Variants in DUSP16 observed in about 807,000 individuals in gnomAD.
DUSP16 encodes dual specificity protein phosphatase 16.
A neutral mutation model predicts 58.3 loss-of-function variants in DUSP16; 21 were observed. The observed-to-expected ratio is 0.36, with a 90% CI of 0.26 to 0.52. The LOEUF (loss-of-function observed/expected upper bound fraction) is 0.52. Among genes scored for constraint, DUSP16 ranks in the 20% least tolerant of loss-of-function variants. The probability of loss-of-function intolerance (pLI) is 0.94; values close to 1 mark genes in which losing one functional copy is unlikely to be tolerated. For synonymous variants in DUSP16, 320 were observed against 323.8 expected (o/e 0.99, Z 0.12); for missense variants, 726 against 819.0 (o/e 0.89, Z 1.39).
chr12:12,507,644 T>C (rs930831847), intron 3 of DUSP16, among the ~76,000 whole-genome samples: 5 of 152,228 alleles, frequency 3.3e-5, no homozygotes, highest in African/African-American at 4.8e-5. Context: ...AGTTTCACTC[T>C]TGTTGCCCAG....
intron 1 of DUSP16, among the ~76,000 whole-genome samples, chr12:12,528,431 G>GA (rs1944335833): frequency 6.6e-6 from 1 of 152,196 alleles, no homozygotes; most frequent in East Asian, 1.9e-4. Context: ...GAATTGAGGA[G>GA]AAAATGTTTT....
intron 1 of DUSP16, among the ~76,000 whole-genome samples, chr12:12,556,593 T>A (rs1944809650): frequency 6.6e-6 from 1 of 151,178 alleles, no homozygotes. Context: ...AAAAAAAAAA[T>A]TAAAAACTGC....
chr12:12,559,785 A>T (rs1357404008), intron 1 of DUSP16, among the ~76,000 whole-genome samples: 2 of 152,182 alleles, frequency 1.3e-5, no homozygotes, highest in Non-Finnish European at 2.9e-5. Flanking sequence ...GCATCAAAAC[A>T]CACTAACACA....
Position 12,473,914 on chromosome 12 carries a change from T to C in DUSP16, c.*2919A>G, listed in dbSNP as rs1037549966. On this transcript the variant is annotated 3_prime_UTR_variant, in exon 7 of 7. Transcript: ENST00000298573. Reference sequence around the variant, plus strand: ...GTAGCTGGCCTTTTTTTTCCTACCATGTACTTGTGTGTTCTGGAATCAGTC... The same window carrying C: ...GTAGCTGGCCTTTTTTTTCCTACCACGTACTTGTGTGTTCTGGAATCAGTC... Among the ~76,000 whole-genome samples the C allele has an allele frequency of 6.6e-6, 1 of 152,202 alleles. No homozygotes were observed. Among genetic ancestry groups the C allele is most frequent in the African/African-American group, 2.4e-5 (1 of 41,460 alleles).
At chr12:12,550,290 T>C (rs1450076418) in intron 1 of DUSP16, among the ~76,000 whole-genome samples, 1 of 124,828 alleles carries the variant, frequency 8.0e-6, no homozygotes, top group Non-Finnish European at 1.9e-5. Context: ...AAAAAAAAAA[T>C]GTGTATCAGA....
chr12:12,492,037 A>G (rs1943767650), intron 4 of DUSP16, among the ~76,000 whole-genome samples: 1 of 152,082 alleles, frequency 6.6e-6, no homozygotes, highest in Admixed American at 6.5e-5. Context: ...GCCCTCATCA[A>G]TTGTTCGTAC....
At position 12,542,444 on chromosome 12, in the gene DUSP16, G is replaced by C. The variant is rs538997218; in HGVS notation, c.-366+19673C>G. On this transcript the variant is annotated intron_variant, in intron 1 of 6. Transcript: ENST00000298573. The stretch of plus-strand genomic sequence containing the variant: ...AGAAAGGGCAAATGCATAGGGACAG[G>C]AAGTAAATCAGCAGTTGCCAGGGGC... Among the ~76,000 whole-genome samples the C allele has an allele frequency of 1.4e-3, 206 of 151,478 alleles. 1 individual carries two copies. Among genetic ancestry groups the C allele is most frequent in the African/African-American group, 4.6e-3 (192 of 41,306 alleles).
chr12:12,476,593 C>T lies in DUSP16; in HGVS notation c.*240G>A. 2.6e-6 allele frequency: 1 copy of T among 387,442 alleles called. No homozygotes were observed. The highest frequency in any genetic ancestry group is 4.5e-6 in the Non-Finnish European group (1 of 220,004). The allele number at this position is 387,442 out of a possible 1,614,324, so 24.0% of individuals were successfully genotyped here. Reference sequence around the variant, plus strand: ...ATTCACTGAATAAAATGGTTTTCCTCCGTCTAGGGGGGATTCTAGCATCTG... The same window carrying T: ...ATTCACTGAATAAAATGGTTTTCCTTCGTCTAGGGGGGATTCTAGCATCTG... On this transcript the variant is annotated 3_prime_UTR_variant, in exon 7 of 7. Coordinates refer to ENST00000298573, the MANE Select transcript of DUSP16 (RefSeq NM_030640.3).
intron 1 of DUSP16, 113 bp downstream of exon 1, chr12:12,562,003 CG>C (rs1944911332): frequency 6.7e-6 from 1 of 150,048 alleles, no homozygotes; most frequent in African/African-American, 2.4e-5. Context: ...GCGCGGCGCC[CG>C]GCACCGGGAG....
intron 1 of DUSP16, among the ~76,000 whole-genome samples, chr12:12,540,934 CT>C (rs1944543847): frequency 9.4e-6 from 1 of 106,216 alleles, no homozygotes; most frequent in African/African-American, 3.7e-5. Flanking sequence ...GCTTTTTTTT[CT>C]TTTCTTTTCT....
chr12:12,515,391 G>A (rs1188973940), intron 3 of DUSP16, among the ~76,000 whole-genome samples: 8 of 150,516 alleles, frequency 5.3e-5, no homozygotes, highest in East Asian at 2.0e-4. Flanking sequence ...GCAATGGTGC[G>A]ATCTTGGCTC....
chr12:12,516,024 C>A (rs1944146759), intron 3 of DUSP16, among the ~76,000 whole-genome samples: 1 of 151,982 alleles, frequency 6.6e-6, no homozygotes, highest in Admixed American at 6.5e-5. Flanking sequence ...GATCCACCCA[C>A]CTCGGCCTCC....
At chr12:12,531,861 A>T (rs1156548543) in intron 1 of DUSP16, among the ~76,000 whole-genome samples, 2 of 150,734 alleles carry the variant, frequency 1.3e-5, no homozygotes, top group East Asian at 3.9e-4. Flanking sequence ...ACAGCGTGAG[A>T]CTCATCTTAA....
At chr12:12,552,125 T>C (rs944085331) in intron 1 of DUSP16, among the ~76,000 whole-genome samples, 13 of 152,158 alleles carry the variant, frequency 8.5e-5, no homozygotes, top group Admixed American at 7.9e-4. Context: ...TTCACTGACA[T>C]GGCTTCAGAT....
intron 1 of DUSP16, among the ~76,000 whole-genome samples, chr12:12,532,107 G>A (rs536547041): frequency 6.6e-6 from 1 of 152,210 alleles, no homozygotes; most frequent in African/African-American, 2.4e-5. Flanking sequence ...GCAGTGAGCC[G>A]AGATTGCGCC....
In DUSP16 at chr12:12,475,626, G is replaced by GCAAT. The variant is rs1224406104; in HGVS notation, c.*1203_*1206dup. The GCAAT allele has an allele frequency of 6.6e-6, 1 of 152,096 alleles. No individual in the cohort carries two copies. Among genetic ancestry groups the GCAAT allele is most frequent in the South Asian group, 2.1e-4 (1 of 4,826 alleles). The allele number at this position is 152,096 out of a possible 1,614,324, so 9.4% of individuals were successfully genotyped here. On this transcript the variant is annotated 3_prime_UTR_variant, in exon 7 of 7. Transcript: ENST00000298573. ...CTACTAGTAAATGTGAAAGTCTGAG[G>GCAAT]CAATCATAGAAACATCAGCCCCATC...
intron 3 of DUSP16, among the ~76,000 whole-genome samples, chr12:12,513,222 A>G (rs1944103182): frequency 6.6e-6 from 1 of 152,226 alleles, no homozygotes. Flanking sequence ...TTCTATCCTT[A>G]TTCACAGCTA....
At chr12:12,493,621 C>A (rs539035162) in intron 4 of DUSP16, among the ~76,000 whole-genome samples, 1 of 152,190 alleles carries the variant, frequency 6.6e-6, no homozygotes, top group East Asian at 1.9e-4. Flanking sequence ...CATGCTCACT[C>A]TGCTCCAGCC....
chr12:12,514,819 G>A (rs543421529), intron 3 of DUSP16, among the ~76,000 whole-genome samples: 3 of 152,148 alleles, frequency 2.0e-5, no homozygotes, highest in Admixed American at 6.5e-5. Context: ...CACCGCACCC[G>A]GCTAATTTTT....
Sources: allele counts gnomAD v4.1 joint callset (sites outside exome capture counted in the v4.1 genomes callset), GRCh38; gene constraint gnomAD v4.1.1; transcripts MANE v1.5; gene names NCBI Gene and HGNC (gene_info 2026-07-23, HGNC 2026-07-21).